Variants in BCKDHB observed in about 807,000 individuals in gnomAD.
BCKDHB encodes the protein branched chain keto acid dehydrogenase E1 subunit beta.
In BCKDHB, 41 loss-of-function variants were observed where a neutral mutation model predicts 48.5. That is an observed-to-expected ratio of 0.85 (90% CI 0.66 to 1.10). The LOEUF (loss-of-function observed/expected upper bound fraction) is 1.10, where lower values mean the gene tolerates loss of function less well. BCKDHB is among the 50% of genes least tolerant of loss of function. The probability of loss-of-function intolerance (pLI) is 0.00; values close to 1 mark genes in which losing one functional copy is unlikely to be tolerated. For synonymous variants in BCKDHB, 201 were observed against 174.8 expected, an observed-to-expected ratio of 1.15 and a Z score of -1.18; for missense variants, 496 against 494.2, an observed-to-expected ratio of 1.00 and a Z score of -0.03.
In BCKDHB at chr6:80,167,768, C is replaced by T. The variant is rs574122134; in HGVS notation, c.434C>T (p.Ala145Val). The T allele has an allele frequency of 2.5e-5, 40 of 1,613,686 alleles. No homozygotes were observed. The highest frequency in any genetic ancestry group is 7.7e-5 in the South Asian group (7 of 91,074). ...GIAVTGATAIAEIQFADYIFP... is the reference protein window; with the variant it reads ...GIAVTGATAIVEIQFADYIFP... Reference sequence around the variant, plus strand: ...GCGGTCACTGGAGCTACTGCCATTGCGGAAATTCAGTTTGCAGATTATATT... The same window carrying T: ...GCGGTCACTGGAGCTACTGCCATTGTGGAAATTCAGTTTGCAGATTATATT... Residue 145 changes from alanine (A) to valine (V), a missense_variant, in exon 4 of 10, where the codon GCG (alanine) becomes GTG (valine). Transcript: ENST00000320393.
At chr6:80,186,773 A>G (rs947422965) in intron 6 of BCKDHB, among the ~76,000 whole-genome samples, 1 of 152,184 alleles carries the variant, frequency 6.6e-6, no homozygotes, top group African/African-American at 2.4e-5. Flanking sequence ...GGGAACTGGG[A>G]GTGCCTACAG....
chr6:80,425,785 G>T, the BCKDHB span, among the ~76,000 whole-genome samples: 1 of 152,096 alleles, frequency 6.6e-6, no homozygotes, highest in Non-Finnish European at 1.5e-5. Context: ...GGATAATGTT[G>T]TGAAATGAAA....
chr6:80,463,775 T>C, the BCKDHB span, among the ~76,000 whole-genome samples: 416 of 152,260 alleles, frequency 2.7e-3, 3 homozygotes, highest in African/African-American at 9.7e-3. Context: ...CTCATTTAAT[T>C]TTCCTGGCCT....
chr6:80,387,818 C>T, the BCKDHB span, among the ~76,000 whole-genome samples: 1 of 152,232 alleles, frequency 6.6e-6, no homozygotes, highest in Non-Finnish European at 1.5e-5. Flanking sequence ...TTCACTTCTG[C>T]AAGATATCAC....
At chr6:80,303,343 G>A (rs1279068806) in intron 9 of BCKDHB, among the ~76,000 whole-genome samples, 1 of 152,034 alleles carries the variant, frequency 6.6e-6, no homozygotes, top group Non-Finnish European at 1.5e-5. Context: ...AACGAGTTAA[G>A]TTCACTTACA....
intron 3 of BCKDHB, among the ~76,000 whole-genome samples, chr6:80,160,656 C>T (rs1414834909): frequency 1.3e-5 from 2 of 152,168 alleles, no homozygotes; most frequent in Non-Finnish European, 2.9e-5. Flanking sequence ...AGATGGTGTA[C>T]TGCCAGTGAT....
At chr6:80,376,089 G>A in the BCKDHB span, among the ~76,000 whole-genome samples, 4 of 152,258 alleles carry the variant, frequency 2.6e-5, no homozygotes, top group African/African-American at 7.2e-5. Flanking sequence ...TATGTCCTTT[G>A]TCTTCAGCTA....
intron 3 of BCKDHB, among the ~76,000 whole-genome samples, chr6:80,147,041 A>G (rs1771521781): frequency 6.6e-6 from 1 of 152,102 alleles, no homozygotes; most frequent in Non-Finnish European, 1.5e-5. Flanking sequence ...ATTGATAATG[A>G]TATTGATGGT....
chr6:80,184,058 G>A (rs572705246), intron 6 of BCKDHB, among the ~76,000 whole-genome samples: 2 of 152,250 alleles, frequency 1.3e-5, no homozygotes, highest in Admixed American at 6.5e-5. Context: ...ACATCCATGT[G>A]CAGGTTTTGG....
Position 80,215,607 on chromosome 6 carries a change from G to A in BCKDHB, c.951+12395G>A, listed in dbSNP as rs16891535. Among the ~76,000 whole-genome samples the A allele has an allele frequency of 9.1e-3, 1,388 of 152,194 alleles. 28 individuals carry two copies. The highest frequency in any genetic ancestry group is 0.031 in the African/African-American group (1,298 of 41,502). On this transcript the variant is annotated intron_variant, in intron 8 of 9. Transcript: ENST00000320393. ...TTTCAGTGAAAGAAATTAAAGAACT[G>A]GTAAATCCTCTAGGAAGAAAATACA... is the stretch of plus-strand genomic sequence containing the variant.
At chr6:80,315,764 A>G (rs1448334558) in intron 9 of BCKDHB, among the ~76,000 whole-genome samples, 2 of 152,126 alleles carry the variant, frequency 1.3e-5, no homozygotes, top group South Asian at 2.1e-4. Flanking sequence ...GACTACATGC[A>G]TGAGCCACCG....
intron 6 of BCKDHB, among the ~76,000 whole-genome samples, chr6:80,182,695 G>A (rs1773467648): frequency 6.6e-6 from 1 of 151,934 alleles, no homozygotes; most frequent in South Asian, 2.1e-4. Flanking sequence ...TTACTTCCAT[G>A]TAAACAGATT....
chr6:80,115,883 C>A (rs554301977), intron 1 of BCKDHB, among the ~76,000 whole-genome samples: 1 of 147,420 alleles, frequency 6.8e-6, no homozygotes, highest in Non-Finnish European at 1.5e-5. Flanking sequence ...TGATCCACCC[C>A]CCTCGGCCTC....
chr6:80,304,029 G>A (rs563455156), intron 9 of BCKDHB, among the ~76,000 whole-genome samples: 2 of 152,220 alleles, frequency 1.3e-5, no homozygotes, highest in African/African-American at 4.8e-5. Flanking sequence ...AAGAAATAGG[G>A]TTTAGGAAAT....
At chr6:80,192,096 T>A (rs1455952127) in intron 6 of BCKDHB, among the ~76,000 whole-genome samples, 1 of 152,204 alleles carries the variant, frequency 6.6e-6, no homozygotes, top group Non-Finnish European at 1.5e-5. Flanking sequence ...TCTGTGTCAG[T>A]GTGATAGATA....
intron 6 of BCKDHB, among the ~76,000 whole-genome samples, chr6:80,189,234 T>C (rs770604110): frequency 1.3e-5 from 2 of 152,204 alleles, no homozygotes; most frequent in Non-Finnish European, 2.9e-5. Flanking sequence ...ATTTTATATA[T>C]ACCTTTAATT....
intron 3 of BCKDHB, among the ~76,000 whole-genome samples, chr6:80,157,153 T>C (rs937744885): frequency 1.3e-5 from 2 of 152,112 alleles, no homozygotes; most frequent in Non-Finnish European, 2.9e-5. Context: ...ATGTTTTCTA[T>C]TTCATTTTCT....
At chr6:80,271,018 C>G (rs1456996371) in intron 8 of BCKDHB, among the ~76,000 whole-genome samples, 2 of 151,964 alleles carry the variant, frequency 1.3e-5, no homozygotes, top group East Asian at 3.9e-4. Flanking sequence ...ATACATAAAG[C>G]AAAAAGTAAA....
At chr6:80,108,559 TAAAAAAA>T (rs35042481) in intron 1 of BCKDHB, among the ~76,000 whole-genome samples, 4 of 137,436 alleles carry the variant, frequency 2.9e-5, no homozygotes, top group Non-Finnish European at 6.3e-5. Flanking sequence ...GGATAAAAAG[TAAAAAAA>T]AAAAAAAAAA....
Sources: allele counts gnomAD v4.1 joint callset (sites outside exome capture counted in the v4.1 genomes callset), GRCh38; gene constraint gnomAD v4.1.1; transcripts MANE v1.5; gene names NCBI Gene and HGNC (gene_info 2026-07-23, HGNC 2026-07-21).